TMEM68: variants seen among roughly 807,000 people sequenced by gnomAD.
The protein encoded by TMEM68 is DGAT1/2-independent enzyme synthesizing storage lipids.
In TMEM68, 25 loss-of-function variants were observed where a neutral mutation model predicts 36.9. The observed-to-expected ratio is 0.68, with a 90% CI of 0.49 to 0.95. The LOEUF (loss-of-function observed/expected upper bound fraction) is 0.95, where lower values mean the gene tolerates loss of function less well. TMEM68 is among the 40% of genes least tolerant of loss of function. TMEM68 has a pLI of 0.00. For missense variants in TMEM68, 333 were observed against 392.0 expected (o/e 0.85, Z 1.27); for synonymous variants, 131 against 124.4 (o/e 1.05, Z -0.35).
At chr8:55,768,842 C>T (rs1337761563) in intron 1 of TMEM68, among the ~76,000 whole-genome samples, 1 of 150,104 alleles carries the variant, frequency 6.7e-6, no homozygotes, top group Admixed American at 6.6e-5. Context: ...TGAGACTCTG[C>T]TCAAAAAGAA....
intron 4 of TMEM68, among the ~76,000 whole-genome samples, chr8:55,753,642 T>C (rs993460936): frequency 2.6e-5 from 4 of 152,232 alleles, no homozygotes; most frequent in Middle Eastern, 3.2e-3. Flanking sequence ...ATGTGTCAGC[T>C]TTTGCTTTTA....
chr8:55,739,480 T>C lies in TMEM68; in HGVS notation c.*652A>G, dbSNP rs926560726. On this transcript the variant is annotated 3_prime_UTR_variant, in exon 8 of 8. Coordinates refer to ENST00000434581, the MANE Select transcript of TMEM68 (RefSeq NM_001286657.2). ...CATCTTTTTCATTGTGCTTGGCAAC[T>C]GGACATGACATAATTTAAACACACA... is the stretch of plus-strand genomic sequence containing the variant. 4 of 81,932 alleles carry C rather than the reference T, an allele frequency of 4.9e-5. No homozygotes were observed. The highest frequency in any genetic ancestry group is 3.9e-4 in the Admixed American group (3 of 7,766). The allele number at this position is 81,932 out of a possible 1,614,324, so 5.1% of individuals were successfully genotyped here.
chr8:55,762,530 T>A lies in TMEM68; in HGVS notation c.325+105A>T, dbSNP rs759908900. 19 of 1,558,210 alleles carry A rather than the reference T, an allele frequency of 1.2e-5. No homozygotes were observed. The South Asian group carries it at 2.3e-4, about 19-fold the overall frequency. On this transcript the variant is annotated intron_variant, in intron 3 of 7. Transcript: ENST00000434581. ...AACAGGGAATAGTAAATATCACTTCTATTATATTTTTCAGTATCTTCTCAA... is the reference window on the plus strand; with the variant it reads ...AACAGGGAATAGTAAATATCACTTCAATTATATTTTTCAGTATCTTCTCAA...
At chr8:55,771,663 C>A (rs927245117) in intron 1 of TMEM68, among the ~76,000 whole-genome samples, 3 of 152,100 alleles carry the variant, frequency 2.0e-5, no homozygotes, top group African/African-American at 7.2e-5. Flanking sequence ...ATTTTGAACA[C>A]CCATTACCAG....
intron 1 of TMEM68, among the ~76,000 whole-genome samples, chr8:55,767,083 C>T (rs1337248350): frequency 1.4e-5 from 1 of 72,410 alleles, no homozygotes; most frequent in East Asian, 4.3e-4. Flanking sequence ...ATAAGACTAT[C>T]GTGAAGATTA....
intron 3 of TMEM68, chr8:55,760,811 T>G (rs895339237): frequency 2.0e-5 from 3 of 152,240 alleles, no homozygotes; most frequent in African/African-American, 7.2e-5. Flanking sequence ...TCCAAGATTT[T>G]GTATGTTTCC....
rs1810171404 is a variant in TMEM68, at chr8:55,743,601, A to C, written c.768T>G (p.Tyr256Ter). 2 of 1,535,166 alleles carry C rather than the reference A, an allele frequency of 1.3e-6. No homozygotes were observed. The highest frequency in any genetic ancestry group is 2.7e-5 in the African/African-American group (2 of 73,030). ...LGGTRLFRWL[Y>*]EKFRYPFAPM... ...GAGCAAATGGATAGCGGAATTTTTCATAAAGCCACCTAAATAACCCTGTTT... is the reference window on the plus strand; with the variant it reads ...GAGCAAATGGATAGCGGAATTTTTCCTAAAGCCACCTAAATAACCCTGTTT... The change falls in exon 7 of 8, where the codon TAT becomes TAG. Residue 256 changes from tyrosine to a stop codon, truncating the protein, a stop_gained. Transcript: ENST00000434581. LOFTEE classifies it high-confidence loss of function.
chr8:55,748,988 A>G (rs542150483), intron 5 of TMEM68, among the ~76,000 whole-genome samples: 12 of 152,344 alleles, frequency 7.9e-5, no homozygotes, highest in African/African-American at 2.9e-4. Flanking sequence ...TACCATGTTT[A>G]AGCCTCACTT....
In TMEM68 at chr8:55,743,615, A is replaced by G; in HGVS notation, c.754T>C (p.Phe252Leu). The G allele has an allele frequency of 1.3e-6, 2 of 1,534,552 alleles. No homozygotes were observed. The highest frequency in any genetic ancestry group is 1.4e-5 in the African/African-American group (1 of 73,088). Residue 252 changes from phenylalanine (F) to leucine (L), a missense_variant, in exon 7 of 8, where the codon TTT becomes CTT. By Grantham distance (22) the Phe-to-Leu change is conservative. Coordinates refer to ENST00000434581, the MANE Select transcript of TMEM68 (RefSeq NM_001286657.2). ...GFRSLGGTRL[F>L]RWLYEKFRYP... ...CGGAATTTTTCATAAAGCCACCTAA[A>G]TAACCCTGTTTTAGAGTAAATACAA...
chr8:55,768,346 G>A (rs1811039518), intron 1 of TMEM68, among the ~76,000 whole-genome samples: 1 of 152,092 alleles, frequency 6.6e-6, no homozygotes, highest in South Asian at 2.1e-4. Context: ...AACTCACAAA[G>A]GAGGAAAGAA....
At chr8:55,750,367 C>T (rs914117725) in intron 5 of TMEM68, among the ~76,000 whole-genome samples, 1 of 152,032 alleles carries the variant, frequency 6.6e-6, no homozygotes, top group Non-Finnish European at 1.5e-5. Context: ...CTCTATCAAA[C>T]GTAATTTCTT....
intron 5 of TMEM68, among the ~76,000 whole-genome samples, chr8:55,748,531 T>C (rs1033031477): frequency 7.3e-6 from 1 of 137,362 alleles, no homozygotes; most frequent in Non-Finnish European, 1.5e-5. Context: ...GTAATGTATG[T>C]GCATGCATGT....
At chr8:55,764,184 C>T (rs1216154129) in intron 1 of TMEM68, among the ~76,000 whole-genome samples, 1 of 152,178 alleles carries the variant, frequency 6.6e-6, no homozygotes. Context: ...GACAACTCTA[C>T]ACTGTTTAGT....
At position 55,749,504 on chromosome 8, in the gene TMEM68, C is replaced by T. The variant is rs75735271; in HGVS notation, c.687+1460G>A. Among the ~76,000 whole-genome samples, 10 of 152,174 alleles carry T rather than the reference C, an allele frequency of 6.6e-5. No individual in the cohort carries two copies. In the South Asian group the frequency reaches 2.1e-3, roughly 32 times the overall value. ...ATATATTACTGAAAGACTTCCCTCA[C>T]GTATCTGGGAAGCCCCTTCAGTCTT... On this transcript the variant is annotated intron_variant, in intron 5 of 7. Transcript: ENST00000434581.
chr8:55,745,699 T>A (rs532613245), intron 5 of TMEM68: 12 of 152,232 alleles, frequency 7.9e-5, no homozygotes, highest in African/African-American at 2.4e-4. Context: ...TAAGGGTAAT[T>A]TTTCGGGGGG....
intron 1 of TMEM68, among the ~76,000 whole-genome samples, chr8:55,766,268 C>A (rs1343494110): frequency 6.6e-6 from 1 of 151,756 alleles, no homozygotes; most frequent in Admixed American, 6.6e-5. Context: ...AATATGTGCA[C>A]TTGGTGTGGC....
chr8:55,738,843 T>C lies in TMEM68; in HGVS notation c.*1289A>G, dbSNP rs1218537249. The C allele has an allele frequency of 1.3e-5, 2 of 152,622 alleles. No homozygotes were observed. Among genetic ancestry groups the C allele is most frequent in the African/African-American group, 2.4e-5 (1 of 41,456 alleles). 9.5% of individuals were successfully genotyped at this position (152,622 alleles called of 1,614,324 possible). ...AAAAGCTATACAAAAACCCTACTAATTCAACATTTAAAAAAGGGAGAGGGA... is the reference window on the plus strand; with the variant it reads ...AAAAGCTATACAAAAACCCTACTAACTCAACATTTAAAAAAGGGAGAGGGA... On this transcript the variant is annotated 3_prime_UTR_variant, in exon 8 of 8. Coordinates refer to ENST00000434581, the MANE Select transcript of TMEM68 (RefSeq NM_001286657.2).
intron 4 of TMEM68, among the ~76,000 whole-genome samples, chr8:55,754,691 A>C (rs867210540): frequency 1.1e-4 from 14 of 129,736 alleles, no homozygotes; most frequent in Admixed American, 7.3e-4. Context: ...TATATATTAT[A>C]TATGAAATAC....
chr8:55,751,256 T>A, intron 4 of TMEM68, 99 bp from the exon 5 acceptor site: 1 of 1,064,596 alleles, frequency 9.4e-7, no homozygotes, highest in Non-Finnish European at 1.3e-6. Context: ...TATTTATACT[T>A]AAATCAGTAA....
Sources: gnomAD v4.1 joint callset for allele counts (sites outside exome capture counted in the v4.1 genomes callset) on GRCh38, gnomAD v4.1.1 for gene constraint, MANE v1.5 for transcripts, NCBI Gene and HGNC (gene_info 2026-07-23, HGNC 2026-07-21) for gene names.